The following LHPP variants were observed in gnomAD, a reference collection of about 807,000 sequenced individuals.
LHPP encodes phospholysine phosphohistidine inorganic pyrophosphate phosphatase, also known as hLHPP.
Under a neutral mutation model 30.3 loss-of-function variants are expected in LHPP, and 24 were observed. The observed-to-expected ratio is 0.79, with a 90% CI of 0.57 to 1.11. The LOEUF is 1.11. LHPP is among the 50% of genes most tolerant of loss of function. The probability of loss-of-function intolerance (pLI) is 0.00; values close to 1 mark genes in which losing one functional copy is unlikely to be tolerated. For missense variants in LHPP, 356 were observed against 367.2 expected (o/e 0.97, Z 0.25); for synonymous variants, 150 against 157.1 (o/e 0.95, Z 0.34).
In LHPP at chr10:124,576,518, C is replaced by G. The variant is rs1948665242; in HGVS notation, c.717-36746C>G. Among the ~76,000 whole-genome samples, 1 of 151,726 alleles carries G rather than the reference C, an allele frequency of 6.6e-6. No individual in the cohort carries two copies. The highest frequency in any genetic ancestry group is 1.5e-5 in the Non-Finnish European group (1 of 67,886). ...TACCATATGCTGTTCCCAGACCCCC[C>G]TCCATGGCCTGCCCCCAGATCCCCC... is the stretch of plus-strand genomic sequence containing the variant. On this transcript the variant is annotated intron_variant, in intron 6 of 6. Coordinates refer to ENST00000368842, the MANE Select transcript of LHPP (RefSeq NM_022126.4). This position sits in a 1 kb window ranked among gnomAD's most constrained non-coding sequence, Gnocchi z 4.2.
At chr10:124,565,116 A>G (rs974158877) in intron 6 of LHPP, among the ~76,000 whole-genome samples, 4 of 152,150 alleles carry the variant, frequency 2.6e-5, no homozygotes, top group Non-Finnish European at 4.4e-5. Context: ...ACGCCCGGCA[A>G]TAAGTGAGGC....
intron 6 of LHPP, among the ~76,000 whole-genome samples, chr10:124,534,836 T>C (rs1038079898): frequency 6.6e-6 from 1 of 151,870 alleles, no homozygotes; most frequent in African/African-American, 2.4e-5. Context: ...CCTGACCGTA[T>C]AAAGTAGCAG....
intron 6 of LHPP, among the ~76,000 whole-genome samples, chr10:124,552,582 G>A (rs1948188733): frequency 6.6e-6 from 1 of 152,176 alleles, no homozygotes; most frequent in Non-Finnish European, 1.5e-5. Flanking sequence ...AGCTGAGCAG[G>A]CACAGCTCTT....
At chr10:124,579,130 G>T (rs1295126455) in intron 6 of LHPP, among the ~76,000 whole-genome samples, 1 of 152,218 alleles carries the variant, frequency 6.6e-6, no homozygotes, top group Non-Finnish European at 1.5e-5. Context: ...CTGAGAGTGG[G>T]TGTGTATCTC....
rs34839158 is a variant in LHPP, at chr10:124,481,373, C to CTTTTT, written c.126-2749_126-2745dup. Reference sequence around the variant, plus strand: ...GAATCGTGCCTGGCTTATCTGCCCCCTTTTTTTTTTTTTTTTTTTTTGCGA... The same window carrying CTTTTT: ...GAATCGTGCCTGGCTTATCTGCCCCCTTTTTTTTTTTTTTTTTTTTTTTTTTGCGA... On this transcript the variant is annotated intron_variant, in intron 1 of 6. Coordinates refer to ENST00000368842, the MANE Select transcript of LHPP (RefSeq NM_022126.4). Among the ~76,000 whole-genome samples the CTTTTT allele has an allele frequency of 2.2e-4, 19 of 85,026 alleles. 1 individual carries two copies. Among genetic ancestry groups the CTTTTT allele is most frequent in the South Asian group, 4.2e-4 (1 of 2,370 alleles). The allele number at this position is 85,026 out of a possible 152,430, so 55.8% of individuals were successfully genotyped here. A position where few individuals can be genotyped will look rare whatever the true frequency, so the allele number is the denominator to read the frequency against.
intron 1 of LHPP, among the ~76,000 whole-genome samples, chr10:124,462,913 G>A (rs1952445909): frequency 6.6e-6 from 1 of 152,172 alleles, no homozygotes; most frequent in Admixed American, 6.5e-5. Flanking sequence ...TGTTGCCCAG[G>A]CTGGAATGCA....
Position 124,592,226 on chromosome 10 carries a change from T to C in LHPP, c.717-21038T>C, listed in dbSNP as rs777541512. On this transcript the variant is annotated intron_variant, in intron 6 of 6. Coordinates refer to ENST00000368842, the MANE Select transcript of LHPP (RefSeq NM_022126.4). This position sits in a 1 kb window ranked among gnomAD's most constrained non-coding sequence, Gnocchi z 6.2. ...GCCTGCATATGCCAGGTTCTGTGTA[T>C]CACATCTCTCACCAGGAAGGCAAAA... Among the ~76,000 whole-genome samples, 31 of 152,140 alleles carry C rather than the reference T, an allele frequency of 2.0e-4. No individual in the cohort carries two copies. Among genetic ancestry groups the C allele is most frequent in the Admixed American group, 6.5e-4 (10 of 15,282 alleles).
chr10:124,512,308 G>A (rs2133903409), intron 5 of LHPP, among the ~76,000 whole-genome samples: 1 of 152,282 alleles, frequency 6.6e-6, no homozygotes, highest in South Asian at 2.1e-4. Flanking sequence ...ATTTCCTCAT[G>A]TTTCTGTTTC....
chr10:124,611,437 G>A (rs921088242), intron 6 of LHPP, among the ~76,000 whole-genome samples: 11 of 151,438 alleles, frequency 7.3e-5, no homozygotes, highest in African/African-American at 2.7e-4. Context: ...CGTGAGTGCT[G>A]TGCTCGGAGA....
At chr10:124,597,161 A>G (rs1948954990) in intron 6 of LHPP, among the ~76,000 whole-genome samples, 1 of 151,946 alleles carries the variant, frequency 6.6e-6, no homozygotes, top group Admixed American at 6.6e-5. Context: ...ACTTTTGAGG[A>G]TTTTGGACTC....
At chr10:124,532,075 C>T (rs1018710556) in intron 6 of LHPP, among the ~76,000 whole-genome samples, 5 of 152,346 alleles carry the variant, frequency 3.3e-5, no homozygotes, top group East Asian at 3.9e-4. Context: ...AGATGGTCCC[C>T]GACGCAGGCA....
At chr10:124,567,780 A>G in intron 6 of LHPP, among the ~76,000 whole-genome samples, 1 of 152,262 alleles carries the variant, frequency 6.6e-6, no homozygotes, top group East Asian at 1.9e-4. Flanking sequence ...TGCAACGCAC[A>G]AACACATGGA....
At chr10:124,577,739 C>T (rs971490686) in intron 6 of LHPP, among the ~76,000 whole-genome samples, 1 of 98,704 alleles carries the variant, frequency 1.0e-5, no homozygotes, top group Non-Finnish European at 2.5e-5. Flanking sequence ...TATGCACATA[C>T]CTTCACCTTC....
chr10:124,513,719 G>A (rs1415082466), intron 5 of LHPP, among the ~76,000 whole-genome samples: 1 of 150,612 alleles, frequency 6.6e-6, no homozygotes. Context: ...GCCTCCCAAA[G>A]TGCTGGGATT....
chr10:124,585,672 C>T (rs1304750647), intron 6 of LHPP, among the ~76,000 whole-genome samples: 1 of 152,010 alleles, frequency 6.6e-6, no homozygotes, highest in African/African-American at 2.4e-5. Context: ...CTGTGTTGCT[C>T]AGGCTGACCT....
intron 4 of LHPP, 75 bp from the exon 5 acceptor site, chr10:124,497,961 A>T: frequency 8.4e-7 from 1 of 1,184,318 alleles, no homozygotes; most frequent in Non-Finnish European, 1.3e-6. Flanking sequence ...CACATTTGGG[A>T]CAGTGTTTCC....
intron 6 of LHPP, among the ~76,000 whole-genome samples, chr10:124,550,129 T>TGC (rs2133957401): frequency 6.6e-6 from 1 of 152,332 alleles, no homozygotes; most frequent in East Asian, 1.9e-4. Context: ...TTCTCTCCTT[T>TGC]GCGTGCTGTG....
At chr10:124,493,915 G>A (rs1317147360) in intron 3 of LHPP, 1 of 152,210 alleles carries the variant, frequency 6.6e-6, no homozygotes, top group African/African-American at 2.4e-5. Context: ...CCAGGTAACA[G>A]TTGGCCTCAA....
intron 1 of LHPP, among the ~76,000 whole-genome samples, chr10:124,469,869 G>T (rs1376151359): frequency 1.3e-5 from 2 of 152,106 alleles, no homozygotes; most frequent in Non-Finnish European, 2.9e-5. Flanking sequence ...TGGGTACCTG[G>T]CCTCGCAGAT....
Sources: gnomAD v4.1 joint callset for allele counts (sites outside exome capture counted in the v4.1 genomes callset) on GRCh38, gnomAD v4.1.1 for gene constraint, Gnocchi (gnomAD v3.1) non-coding constraint, MANE v1.5 for transcripts, NCBI Gene and HGNC (gene_info 2026-07-23, HGNC 2026-07-21) for gene names.